SOS2: variants seen among roughly 807,000 people sequenced by gnomAD.
SOS2 encodes the protein SOS Ras/Rho guanine nucleotide exchange factor 2.
A neutral mutation model predicts 148.2 loss-of-function variants in SOS2; 65 were observed. The observed-to-expected ratio is 0.44, with a 90% CI of 0.36 to 0.54. The LOEUF is 0.54. Ranked by LOEUF, SOS2 falls within the 20% of genes least tolerant of loss-of-function variation. The pLI is 0.00. For synonymous variants in SOS2, 539 were observed against 537.1 expected, an observed-to-expected ratio of 1.00 and a Z score of -0.05; for missense variants, 1,341 against 1,590.2, an observed-to-expected ratio of 0.84 and a Z score of 2.67.
chr14:50,137,538 G>C (rs1594963946), intron 18 of SOS2, among the ~76,000 whole-genome samples: 1 of 152,258 alleles, frequency 6.6e-6, no homozygotes, highest in East Asian at 1.9e-4. Flanking sequence ...ACTGCAGATA[G>C]TGTAGAATGT....
chr14:50,150,668 C>T (rs1354534264), intron 13 of SOS2, among the ~76,000 whole-genome samples: 1 of 151,188 alleles, frequency 6.6e-6, no homozygotes, highest in African/African-American at 2.4e-5. Context: ...CTCAAGTGAT[C>T]CTCCCACCTC....
intron 8 of SOS2, among the ~76,000 whole-genome samples, chr14:50,171,454 G>C: frequency 6.6e-6 from 1 of 152,180 alleles, no homozygotes; most frequent in East Asian, 1.9e-4. Context: ...GGGAGGCCAA[G>C]ATGGACAGAT....
rs10483598 is a variant in SOS2, at chr14:50,159,257, T to C, written c.1852+174A>G. Among the ~76,000 whole-genome samples the C allele has an allele frequency of 0.16, 24,333 of 152,160 alleles. 2,497 individuals carry two copies. The highest frequency in any genetic ancestry group is 0.33 in the Admixed American group (5,011 of 15,282). Reference sequence around the variant, plus strand: ...ATTCAATAATTAATGAAGTTAACAATATTACATTTTTAGACCTTTAATTCC... The same window carrying C: ...ATTCAATAATTAATGAAGTTAACAACATTACATTTTTAGACCTTTAATTCC... On this transcript the variant is annotated intron_variant, in intron 10 of 22. Coordinates refer to ENST00000216373, the MANE Select transcript of SOS2 (RefSeq NM_006939.4).
chr14:50,164,316 T>C (rs1046084451), intron 8 of SOS2, among the ~76,000 whole-genome samples: 2 of 151,848 alleles, frequency 1.3e-5, no homozygotes, highest in Admixed American at 6.6e-5. Context: ...GATGTGCACA[T>C]GTAGTCCCAG....
chr14:50,187,046 C>T (rs1258139094), intron 5 of SOS2, among the ~76,000 whole-genome samples: 1 of 152,184 alleles, frequency 6.6e-6, no homozygotes, highest in Admixed American at 6.5e-5. Context: ...AGGTCTTGCT[C>T]TTTTGCCCAG....
chr14:50,199,998 A>G, intron 3 of SOS2, 143 bp from the exon 4 acceptor site: 1 of 526,760 alleles, frequency 1.9e-6, no homozygotes, highest in Non-Finnish European at 3.3e-6. Flanking sequence ...CGGGATATAA[A>G]ATGAATCTTT....
At position 50,180,612 on chromosome 14, in the gene SOS2, T is replaced by C. The variant is rs746412601; in HGVS notation, c.929A>G (p.Asn310Ser). The C allele has an allele frequency of 1.1e-5, 18 of 1,600,602 alleles. No individual in the cohort carries two copies. The South Asian group carries it at 1.5e-4, about 13-fold the overall frequency. ...ILSPEFHEHF[N>S]KLMARPAVAL... ...AACTGCAGGTCTGGCCATCAATTTA[T>C]TGAAATGTTCATGAAACTCTGGTGA... Residue 310 changes from asparagine to serine, a missense_variant, in exon 7 of 23, where the codon AAT (asparagine) becomes AGT (serine). By Grantham distance (46) the Asn-to-Ser change is conservative. Around this residue, in one of 4 missense-constraint regions of SOS2, gnomAD observed 574 missense variants for 711.1 expected, o/e 0.81. Transcript: ENST00000216373.
chr14:50,198,007 T>C (rs1886368917), intron 4 of SOS2, among the ~76,000 whole-genome samples: 2 of 151,390 alleles, frequency 1.3e-5, no homozygotes, highest in Non-Finnish European at 2.9e-5. Context: ...ATCTTTTTTT[T>C]TTTTTTTTTG....
chr14:50,216,101 G>T (rs868498577), intron 1 of SOS2, among the ~76,000 whole-genome samples: 1,683 of 139,170 alleles, frequency 0.012, 14 homozygotes, highest in Non-Finnish European at 0.019. Flanking sequence ...GGTTTTTTTT[G>T]TTTTTTTTTT....
At position 50,150,363 on chromosome 14, in the gene SOS2, A is replaced by C. The variant is rs544123493; in HGVS notation, c.2162-133T>G. ...GCCAATTTTTATTTTCTCTAACCCT[A>C]CTCATGCCATCCCGTCACTTCCTAG... is the stretch of plus-strand genomic sequence containing the variant. On this transcript the variant is annotated intron_variant, in intron 13 of 22. Coordinates refer to ENST00000216373, the MANE Select transcript of SOS2 (RefSeq NM_006939.4). The C allele has an allele frequency of 1.3e-4, 86 of 650,584 alleles. No individual in the cohort carries two copies. The African/African-American group carries it at 1.4e-3, about 11-fold the overall frequency. The allele number at this position is 650,584 out of a possible 1,614,324, so 40.3% of individuals were successfully genotyped here. A position where few individuals can be genotyped will look rare whatever the true frequency, so the allele number is the denominator to read the frequency against.
At chr14:50,218,442 G>A (rs969840183) in intron 1 of SOS2, among the ~76,000 whole-genome samples, 13 of 151,780 alleles carry the variant, frequency 8.6e-5, no homozygotes, top group South Asian at 4.2e-4. Context: ...AGAATCGCTC[G>A]AACCCGGAAG....
chr14:50,152,110 G>A (rs533804293), intron 13 of SOS2, among the ~76,000 whole-genome samples: 1 of 152,172 alleles, frequency 6.6e-6, no homozygotes, highest in East Asian at 1.9e-4. Context: ...TAGAAACAAA[G>A]GAATAACATT....
At chr14:50,146,409 T>C (rs1349105029) in intron 14 of SOS2, among the ~76,000 whole-genome samples, 1 of 152,104 alleles carries the variant, frequency 6.6e-6, no homozygotes, top group South Asian at 2.1e-4. Context: ...TTTGGGAGGC[T>C]GAGGCGGGCA....
rs1719101999 is a variant in SOS2, at chr14:50,130,600, CTG to C, written c.3236_3237del (p.Thr1079SerfsTer22). ...SRIAETELES[T>X]VSAPTSPNTP... Reference sequence around the variant, plus strand: ...GTATTTGGAGAGGTTGGTGCTGACACTGTTGATTCCAGCTCAGTTTCAGCAAT... The same window carrying C: ...GTATTTGGAGAGGTTGGTGCTGACACTTGATTCCAGCTCAGTTTCAGCAAT... On this transcript the variant is annotated frameshift_variant, in exon 20 of 23. Coordinates refer to ENST00000216373, the MANE Select transcript of SOS2 (RefSeq NM_006939.4). LOFTEE classifies it high-confidence loss of function. 1 of 1,614,004 alleles carries C rather than the reference CTG, an allele frequency of 6.2e-7. No individual in the cohort carries two copies. The highest frequency in any genetic ancestry group is 1.1e-5 in the South Asian group (1 of 91,074).
intron 18 of SOS2, among the ~76,000 whole-genome samples, chr14:50,134,612 T>C (rs1884013174): frequency 6.6e-6 from 1 of 152,144 alleles, no homozygotes; most frequent in Non-Finnish European, 1.5e-5. Flanking sequence ...AGAACAAAGC[T>C]ATGGTTATAA....
intron 16 of SOS2, among the ~76,000 whole-genome samples, chr14:50,144,525 C>T (rs1394932247): frequency 6.6e-6 from 1 of 151,980 alleles, no homozygotes; most frequent in Non-Finnish European, 1.5e-5. Flanking sequence ...GCAAATGCTG[C>T]CTCCTGAGTT....
In SOS2 at chr14:50,150,114, C is replaced by G. The variant is rs1884613680; in HGVS notation, c.2278G>C (p.Glu760Gln). Residue 760 changes from glutamate (E) to glutamine (Q), a missense_variant, in exon 14 of 23, where the codon GAA (glutamate) becomes CAA (glutamine). Physicochemically the swap from Glu to Gln is conservative, Grantham distance 29 (BLOSUM62 2). Around this residue, in one of 4 missense-constraint regions of SOS2, gnomAD observed 408 missense variants for 506.6 expected, o/e 0.81. Transcript: ENST00000216373. ...TGTCCTGGTTTGCTGATATGCCATT[C>G]AATTGGTGGAGGTGGACTTTCAAAG... ...ITFESPPPPI[E>Q]WHISKPGQFE... The G allele has an allele frequency of 1.2e-6, 2 of 1,613,454 alleles. No homozygotes were observed. The highest frequency in any genetic ancestry group is 1.7e-6 in the Non-Finnish European group (2 of 1,179,524).
chr14:50,205,746 A>G (rs565389026), intron 1 of SOS2, among the ~76,000 whole-genome samples: 180 of 152,202 alleles, frequency 1.2e-3, no homozygotes, highest in Admixed American at 1.2e-3. Context: ...AGCCTGGCCA[A>G]CATGGTGAAA....
At chr14:50,225,152 G>C (rs1042436925) in intron 1 of SOS2, among the ~76,000 whole-genome samples, 1 of 152,066 alleles carries the variant, frequency 6.6e-6, no homozygotes, top group Non-Finnish European at 1.5e-5. Context: ...ATGGGGTCTC[G>C]CTATGTTGGC....
Sources: gnomAD v4.1 joint callset for allele counts (sites outside exome capture counted in the v4.1 genomes callset) on GRCh38, gnomAD v4.1.1 for gene constraint, gnomAD v4.1.1 regional missense constraint, MANE v1.5 for transcripts, NCBI Gene and HGNC (gene_info 2026-07-23, HGNC 2026-07-21) for gene names.